Variants in WDFY4 observed in about 807,000 individuals in gnomAD.
WDFY4 encodes WDFY family member 4.
A neutral mutation model predicts 351.9 loss-of-function variants in WDFY4; 169 were observed. The observed-to-expected ratio is 0.48, with a 90% confidence interval of 0.42 to 0.55. WDFY4 has a LOEUF of 0.55. Among genes scored for constraint, WDFY4 ranks in the 20% least tolerant of loss-of-function variants. The pLI, the probability that WDFY4 is intolerant of heterozygous loss-of-function variation, is 0.00. For synonymous variants in WDFY4, 1,622 were observed against 1,574.6 expected (o/e 1.03, Z -0.71); for missense variants, 3,803 against 3,935.6 (o/e 0.97, Z 0.90).
At chr10:48,870,055 C>T (rs1209505599) in intron 40 of WDFY4, among the ~76,000 whole-genome samples, 1 of 152,162 alleles carries the variant, frequency 6.6e-6, no homozygotes, top group Non-Finnish European at 1.5e-5. Context: ...CATTCCCAGC[C>T]CTAGGGGGTG....
intron 45 of WDFY4, among the ~76,000 whole-genome samples, chr10:48,899,529 C>T (rs972672452): frequency 1.1e-4 from 17 of 152,044 alleles, no homozygotes; most frequent in African/African-American, 4.1e-4. Context: ...CCCTAACTCT[C>T]CCTTCAGCCC....
Position 48,969,265 on chromosome 10 carries a change from G to A in WDFY4, c.8769+17G>A, listed in dbSNP as rs1457479040. 1.9e-6 allele frequency: 3 copies of A among 1,549,938 alleles called. No individual in the cohort carries two copies. The highest frequency in any genetic ancestry group is 1.7e-6 in the Non-Finnish European group (2 of 1,146,568). ...TCCGACAAGGTGAGGGGGCTGCAGG[G>A]AGCAGGGGCAGCCTCAGGACCTCAG... On this transcript the variant is annotated intron_variant, in intron 56 of 61. Coordinates refer to ENST00000325239, the MANE Select transcript of WDFY4 (RefSeq NM_001394531.1).
chr10:48,729,740 C>A, intron 8 of WDFY4, 151 bp downstream of exon 8: 1 of 627,136 alleles, frequency 1.6e-6, no homozygotes, highest in Non-Finnish European at 2.0e-6. Flanking sequence ...TGAATATCTC[C>A]CATGGGACTT....
chr10:48,690,593 C>T (rs1374434402), intron 1 of WDFY4, among the ~76,000 whole-genome samples: 1 of 152,172 alleles, frequency 6.6e-6, no homozygotes, highest in African/African-American at 2.4e-5. Flanking sequence ...GAGCACTCAG[C>T]TCTCAGCAGA....
At chr10:48,963,368 T>C (rs1054686492) in intron 53 of WDFY4, among the ~76,000 whole-genome samples, 1 of 152,206 alleles carries the variant, frequency 6.6e-6, no homozygotes, top group Non-Finnish European at 1.5e-5. Context: ...TGTTAAGGAA[T>C]GTGTACATGG....
chr10:48,862,689 C>T (rs962225560), intron 39 of WDFY4, among the ~76,000 whole-genome samples: 12 of 152,156 alleles, frequency 7.9e-5, no homozygotes, highest in African/African-American at 2.4e-4. Flanking sequence ...AACCATCTTC[C>T]TCCAACCCCT....
chr10:48,970,950 A>G (rs1213227727), intron 57 of WDFY4, among the ~76,000 whole-genome samples: 5 of 152,208 alleles, frequency 3.3e-5, no homozygotes, highest in African/African-American at 1.2e-4. Context: ...TAACATTCCA[A>G]ATGCACCAAG....
At chr10:48,829,896 G>C (rs1350492980) in intron 37 of WDFY4, among the ~76,000 whole-genome samples, 1 of 152,202 alleles carries the variant, frequency 6.6e-6, no homozygotes, top group Admixed American at 6.5e-5. Context: ...GTTCTGGTCA[G>C]GTAGCTGCCA....
At chr10:48,965,057 A>T (rs1005039396) in intron 54 of WDFY4, among the ~76,000 whole-genome samples, 1 of 152,208 alleles carries the variant, frequency 6.6e-6, no homozygotes, top group Non-Finnish European at 1.5e-5. Flanking sequence ...TGTAGGAAGG[A>T]AAGAATTTCA....
chr10:48,712,969 A>G (rs191949136), intron 2 of WDFY4, among the ~76,000 whole-genome samples: 107 of 152,352 alleles, frequency 7.0e-4, no homozygotes, highest in African/African-American at 2.4e-3. Flanking sequence ...CCCATGTGTG[A>G]TGGAGCTCAA....
chr10:48,822,680 C>T, intron 35 of WDFY4, 143 bp downstream of exon 35: 2 of 1,077,478 alleles, frequency 1.9e-6, no homozygotes, highest in Non-Finnish European at 2.5e-6. Flanking sequence ...GCCCTTTAGT[C>T]CCAGGTAATA....
At chr10:48,977,988 G>T (rs1437840238) in intron 59 of WDFY4, among the ~76,000 whole-genome samples, 1 of 152,170 alleles carries the variant, frequency 6.6e-6, no homozygotes, top group East Asian at 1.9e-4. Context: ...AGAGGGCATT[G>T]GTTGAGCAAA....
chr10:48,690,536 A>G (rs4638227), intron 1 of WDFY4, among the ~76,000 whole-genome samples: 76,521 of 151,872 alleles, frequency 0.5, 20,069 homozygotes, highest in African/African-American at 0.65. Context: ...GAACAGCTAA[A>G]AGGAGACCTA....
At chr10:48,870,356 C>T (rs565903010) in intron 40 of WDFY4, among the ~76,000 whole-genome samples, 12 of 151,922 alleles carry the variant, frequency 7.9e-5, no homozygotes, top group South Asian at 2.1e-4. Context: ...GGCATCATTG[C>T]GAGACCCCAA....
At chr10:48,899,596 T>C (rs1234750163) in intron 45 of WDFY4, among the ~76,000 whole-genome samples, 1 of 152,046 alleles carries the variant, frequency 6.6e-6, no homozygotes, top group Admixed American at 6.6e-5. Flanking sequence ...TATAGGTAAC[T>C]CACTCTATCT....
At chr10:48,744,038 T>G (rs919272844) in intron 12 of WDFY4, among the ~76,000 whole-genome samples, 1 of 152,212 alleles carries the variant, frequency 6.6e-6, no homozygotes, top group African/African-American at 2.4e-5. Flanking sequence ...CTACACCCCC[T>G]AACAAAGACA....
At chr10:48,726,722 G>A (rs1302778330) in intron 6 of WDFY4, among the ~76,000 whole-genome samples, 1 of 152,146 alleles carries the variant, frequency 6.6e-6, no homozygotes, top group East Asian at 1.9e-4. Context: ...GATTCTTTGC[G>A]GCTCTTCTGA....
intron 9 of WDFY4, 71 bp from the exon 10 acceptor site, chr10:48,733,860 C>A: frequency 7.5e-7 from 1 of 1,341,658 alleles, no homozygotes; most frequent in Non-Finnish European, 1.0e-6. Flanking sequence ...GGATAGAAAG[C>A]TGGAGTCAGA....
chr10:48,824,669 C>G (rs1164182859), intron 35 of WDFY4, among the ~76,000 whole-genome samples: 1 of 151,434 alleles, frequency 6.6e-6, no homozygotes, highest in Non-Finnish European at 1.5e-5. Flanking sequence ...AAGTTCCTGC[C>G]CTGTCTTCCA....
Sources: allele counts gnomAD v4.1 joint callset (sites outside exome capture counted in the v4.1 genomes callset), GRCh38; gene constraint gnomAD v4.1.1; transcripts MANE v1.5; gene names NCBI Gene and HGNC (gene_info 2026-07-23, HGNC 2026-07-21).